CPNE4: variants seen among roughly 807,000 people sequenced by gnomAD.
The protein encoded by CPNE4 is copine 4.
A neutral mutation model predicts 67.9 loss-of-function variants in CPNE4; 25 were observed. The ratio of observed to expected loss-of-function variants is 0.37; its 90% CI spans 0.27 to 0.51. The LOEUF is 0.51. Among genes scored for constraint, CPNE4 ranks in the 20% least tolerant of loss-of-function variants. CPNE4 has a pLI of 0.93. For synonymous variants in CPNE4, 242 were observed against 244.9 expected, an observed-to-expected ratio of 0.99 and a Z score of 0.11; for missense variants, 464 against 690.8, an observed-to-expected ratio of 0.67 and a Z score of 3.68.
At chr3:131,745,483 A>G (rs545051804) in intron 2 of CPNE4, among the ~76,000 whole-genome samples, 61 of 152,152 alleles carry the variant, frequency 4.0e-4, no homozygotes, top group South Asian at 8.3e-4. Context: ...AAGTCTAAGA[A>G]CTTTTTGCCT....
At chr3:131,800,039 C>T (rs1339657353) in intron 2 of CPNE4, among the ~76,000 whole-genome samples, 1 of 151,612 alleles carries the variant, frequency 6.6e-6, no homozygotes, top group Non-Finnish European at 1.5e-5. Flanking sequence ...AGGTTTGTTA[C>T]ATGGGTATAT....
chr3:131,698,233 CAA>C lies in CPNE4; in HGVS notation c.433-1619_433-1618del, dbSNP rs369274504. ...CTGGGAGAGGGGCAAGGCTCTGTCT[CAA>C]AAAAAAAAAAAAAAAAAAGAAAGAA... On this transcript the variant is annotated intron_variant, in intron 4 of 15. Coordinates refer to ENST00000429747, the MANE Select transcript of CPNE4 (RefSeq NM_130808.3). 2.3e-3 allele frequency among the ~76,000 whole-genome samples: 148 copies of C among 64,454 alleles called. 1 individual carries two copies. The highest frequency in any genetic ancestry group is 5.4e-3 in the South Asian group (9 of 1,680). The allele number at this position is 64,454 out of a possible 152,430, so 42.3% of individuals were successfully genotyped here.
intron 1 of CPNE4, among the ~76,000 whole-genome samples, chr3:132,001,359 A>G (rs914456064): frequency 1.3e-5 from 2 of 152,016 alleles, no homozygotes; most frequent in Non-Finnish European, 2.9e-5. Flanking sequence ...TATGATGAGT[A>G]CATAATGTCA....
rs141404584 is a variant in CPNE4 at position 131,595,060 on chromosome 3, G to C, written c.682-7478C>G. ...TTTTTTAAAATGTACACACACAAAA[G>C]ATAACAAGTATTGGTGAGGATGTGG... On this transcript the variant is annotated intron_variant, in intron 7 of 15. Coordinates refer to ENST00000429747, the MANE Select transcript of CPNE4 (RefSeq NM_130808.3). 7.8e-3 allele frequency among the ~76,000 whole-genome samples: 1,186 copies of C among 152,296 alleles called. 8 individuals are homozygous for C. The highest frequency in any genetic ancestry group is 0.037 in the Middle Eastern group (11 of 294).
chr3:132,001,283 A>T (rs931838860), intron 1 of CPNE4, among the ~76,000 whole-genome samples: 2 of 152,020 alleles, frequency 1.3e-5, no homozygotes, highest in Admixed American at 1.3e-4. Flanking sequence ...ATTATGAGTA[A>T]TCTTAATTCA....
intron 15 of CPNE4, among the ~76,000 whole-genome samples, chr3:131,539,517 A>C (rs1935357426): frequency 6.6e-6 from 1 of 152,154 alleles, no homozygotes; most frequent in Non-Finnish European, 1.5e-5. Context: ...TTCTCCAGTA[A>C]ATGTCTTGAG....
chr3:131,872,779 T>C lies in CPNE4; in HGVS notation c.180+32485A>G, dbSNP rs563994378. Among the ~76,000 whole-genome samples, 62 of 152,328 alleles carry C rather than the reference T, an allele frequency of 4.1e-4. No individual in the cohort carries two copies. The South Asian group carries it at 0.012, about 30-fold the overall frequency. On this transcript the variant is annotated intron_variant, in intron 2 of 15. Coordinates refer to ENST00000429747, the MANE Select transcript of CPNE4 (RefSeq NM_130808.3). ...ATGTTGTGAGGAAGTTCAGGCCATA[T>C]GAAAAGGCCATGTCAAGATATTCTG... is the stretch of plus-strand genomic sequence containing the variant.
At position 131,549,941 on chromosome 3, in the gene CPNE4, C is replaced by G. The variant is rs1426326905; in HGVS notation, c.1302+6G>C. On this transcript the variant is annotated splice_donor_region_variant and intron_variant, in intron 14 of 15. Coordinates refer to ENST00000429747, the MANE Select transcript of CPNE4 (RefSeq NM_130808.3). ...CCCCTTAGGAGGCAAATAGCCCCCT[C>G]CTTACCGATGCCTCCTTGGTGTTAG... 6.2e-7 allele frequency: 1 copy of G among 1,612,828 alleles called. No individual in the cohort carries two copies. Among genetic ancestry groups the G allele is most frequent in the South Asian group, 1.1e-5 (1 of 91,012 alleles).
chr3:131,785,997 T>C (rs560084627), intron 2 of CPNE4, among the ~76,000 whole-genome samples: 4 of 152,166 alleles, frequency 2.6e-5, no homozygotes, highest in Admixed American at 2.6e-4. Context: ...TTCTTCATTC[T>C]CTAATCAGGG....
chr3:131,869,560 G>A (rs1284423241), intron 2 of CPNE4, among the ~76,000 whole-genome samples: 1 of 152,132 alleles, frequency 6.6e-6, no homozygotes, highest in Non-Finnish European at 1.5e-5. Flanking sequence ...TGCCAGCCAT[G>A]TATCCCTCAC....
intron 7 of CPNE4, among the ~76,000 whole-genome samples, chr3:131,650,725 A>G (rs1017960305): frequency 8.3e-6 from 1 of 120,234 alleles, no homozygotes; most frequent in African/African-American, 3.0e-5. Flanking sequence ...AGCCTGGGGG[A>G]CAGAGCAAGA....
chr3:131,905,410 C>A lies in CPNE4; in HGVS notation c.34G>T (p.Ala12Ser). The change falls in exon 2 of 16, where the codon GCC becomes TCC. Residue 12 changes from alanine (A) to serine (S), a missense_variant. This residue lies in a region of CPNE4 where 170 missense variants were observed against 203.3 expected (regional missense o/e 0.84). Coordinates refer to ENST00000429747, the MANE Select transcript of CPNE4 (RefSeq NM_130808.3). ...CTGTTAAAGATTCCCAGTGTGTTGG[C>A]AGCGGACTCATAAATGTTGCTCATC... Reference protein sequence around the residue: ...KKMSNIYESAANTLGIFNSPC... With the variant: ...KKMSNIYESASNTLGIFNSPC... The A allele has an allele frequency of 6.2e-7, 1 of 1,613,290 alleles. No individual in the cohort carries two copies. The highest frequency in any genetic ancestry group is 8.5e-7 in the Non-Finnish European group (1 of 1,179,604).
rs1271601061 is a variant in CPNE4, at chr3:131,992,745, G to A, written c.-2+41822C>T. ...AAATTGTAGTTCCCATAATCCCCAT[G>A]TGTTGTCAGAGGGACCTGGTGGGAG... On this transcript the variant is annotated intron_variant, in intron 1 of 15. Coordinates refer to ENST00000429747, the MANE Select transcript of CPNE4 (RefSeq NM_130808.3). 5.1e-5 allele frequency among the ~76,000 whole-genome samples: 7 copies of A among 136,242 alleles called. 1 individual carries two copies. Among genetic ancestry groups the A allele is most frequent in the East Asian group, 2.4e-4 (1 of 4,226 alleles). The allele number at this position is 136,242 out of a possible 152,430, so 89.4% of individuals were successfully genotyped here. A position where few individuals can be genotyped will look rare whatever the true frequency, so the allele number is the denominator to read the frequency against.
At chr3:131,966,491 G>A (rs994500267) in intron 1 of CPNE4, among the ~76,000 whole-genome samples, 12 of 151,832 alleles carry the variant, frequency 7.9e-5, no homozygotes, top group Admixed American at 3.3e-4. Flanking sequence ...TAATAAAGAA[G>A]AAAAGAGAAA....
intron 2 of CPNE4, among the ~76,000 whole-genome samples, chr3:131,848,969 A>C (rs1012602123): frequency 5.4e-4 from 80 of 148,694 alleles, no homozygotes; most frequent in African/African-American, 1.9e-3. Context: ...AAAAAAAAAA[A>C]AAAAAAAAAA....
chr3:131,890,329 T>TA, intron 2 of CPNE4, among the ~76,000 whole-genome samples: 2 of 151,646 alleles, frequency 1.3e-5, no homozygotes, highest in Middle Eastern at 6.8e-3. Flanking sequence ...AACAGGTATA[T>TA]AAAAACGTGC....
At chr3:131,844,760 T>C (rs2107628421) in intron 2 of CPNE4, among the ~76,000 whole-genome samples, 1 of 152,298 alleles carries the variant, frequency 6.6e-6, no homozygotes, top group East Asian at 1.9e-4. Context: ...TCATTTTCTC[T>C]CCCATTCCAT....
chr3:131,863,141 A>G, intron 2 of CPNE4, among the ~76,000 whole-genome samples: 1 of 152,192 alleles, frequency 6.6e-6, no homozygotes. Context: ...CAAGTCTTTG[A>G]TATTGTGAAT....
intron 2 of CPNE4, among the ~76,000 whole-genome samples, chr3:131,859,485 T>C (rs2086587154): frequency 6.6e-6 from 1 of 152,114 alleles, no homozygotes; most frequent in Non-Finnish European, 1.5e-5. Context: ...CCCTCAAATT[T>C]AGCATCTATC....
Sources: allele counts gnomAD v4.1 joint callset (sites outside exome capture counted in the v4.1 genomes callset), GRCh38; gene constraint gnomAD v4.1.1; regional missense constraint gnomAD v4.1.1; transcripts MANE v1.5; gene names NCBI Gene and HGNC (gene_info 2026-07-23, HGNC 2026-07-21).